The following PPP1R42 variants were observed in gnomAD, a reference collection of about 807,000 sequenced individuals.
The protein encoded by PPP1R42 is leucine rich repeat containing 67.
Under a neutral mutation model 31.0 loss-of-function variants are expected in PPP1R42, and 34 were observed. The ratio of observed to expected loss-of-function variants is 1.10; its 90% CI spans 0.83 to 1.46. The LOEUF (loss-of-function observed/expected upper bound fraction) is 1.46. PPP1R42 is among the 40% of genes most tolerant of loss of function. PPP1R42 has a pLI of 0.00. For missense variants in PPP1R42, 268 were observed against 303.0 expected, an observed-to-expected ratio of 0.88 and a Z score of 0.86; for synonymous variants, 103 against 109.8, an observed-to-expected ratio of 0.94 and a Z score of 0.39.
At chr8:66,966,567 C>T (rs1395091075) in intron 7 of PPP1R42, among the ~76,000 whole-genome samples, 4 of 151,926 alleles carry the variant, frequency 2.6e-5, no homozygotes, top group African/African-American at 9.7e-5. Context: ...GGGTGGATCA[C>T]GAGATCAGGA....
intron 5 of PPP1R42, among the ~76,000 whole-genome samples, chr8:66,992,457 T>G (rs1219234876): frequency 2.6e-5 from 4 of 152,152 alleles, no homozygotes. Context: ...AACATCTAAC[T>G]AATAAAAGCA....
intron 7 of PPP1R42, among the ~76,000 whole-genome samples, chr8:66,966,742 G>A (rs1328911370): frequency 1.3e-5 from 2 of 151,726 alleles, no homozygotes; most frequent in Non-Finnish European, 2.9e-5. Flanking sequence ...CCAAGATCAC[G>A]CCACTGCACT....
chr8:66,974,931 C>G (rs886401559), intron 7 of PPP1R42, among the ~76,000 whole-genome samples: 2 of 152,250 alleles, frequency 1.3e-5, no homozygotes, highest in South Asian at 4.1e-4. Flanking sequence ...GTGCCTTCAG[C>G]TTTGTTCTTC....
At chr8:67,018,241 C>T (rs1211475524) in intron 1 of PPP1R42, among the ~76,000 whole-genome samples, 1 of 149,980 alleles carries the variant, frequency 6.7e-6, no homozygotes, top group Admixed American at 6.7e-5. Context: ...ACAAGCCTCC[C>T]GAGTAGCTGG....
chr8:66,984,037 T>G, intron 6 of PPP1R42: 3 of 1,227,884 alleles, frequency 2.4e-6, no homozygotes, highest in Non-Finnish European at 3.6e-6. Context: ...GGCACAGTTC[T>G]GAGATCATAC....
intron 7 of PPP1R42, chr8:66,971,030 A>G (rs1344022533): frequency 6.5e-7 from 1 of 1,530,436 alleles, no homozygotes; most frequent in Admixed American, 2.0e-5. Context: ...CTTTCTGGAG[A>G]TGCATTTGCA....
intron 6 of PPP1R42, chr8:66,985,227 G>T: frequency 4.5e-6 from 5 of 1,117,422 alleles, no homozygotes; most frequent in Non-Finnish European, 5.4e-6. Context: ...TCTCAAATTT[G>T]CCCTTGTCAT....
chr8:67,011,371 C>T (rs1815839082), intron 4 of PPP1R42, among the ~76,000 whole-genome samples: 1 of 151,990 alleles, frequency 6.6e-6, no homozygotes, highest in African/African-American at 2.4e-5. Flanking sequence ...ACTAAAAATA[C>T]AAAAAATTAG....
intron 4 of PPP1R42, among the ~76,000 whole-genome samples, chr8:67,012,190 C>T (rs996515616): frequency 6.6e-6 from 1 of 151,996 alleles, no homozygotes; most frequent in Non-Finnish European, 1.5e-5. Context: ...GAGCAGAGGT[C>T]GTGCCACTGC....
intron 1 of PPP1R42, among the ~76,000 whole-genome samples, chr8:67,025,721 T>G (rs1816373209): frequency 6.6e-6 from 1 of 152,008 alleles, no homozygotes; most frequent in African/African-American, 2.4e-5. Flanking sequence ...AAAAGGACAG[T>G]AGGCCGGGTG....
chr8:66,979,840 T>C (rs2130921663), intron 7 of PPP1R42, among the ~76,000 whole-genome samples: 1 of 152,320 alleles, frequency 6.6e-6, no homozygotes, highest in South Asian at 2.1e-4. Context: ...TAAAGACATA[T>C]TATTATTTTG....
chr8:67,010,833 T>C lies in PPP1R42; in HGVS notation c.436-2A>G. The C allele has an allele frequency of 1.3e-6, 2 of 1,576,126 alleles. No homozygotes were observed. The highest frequency in any genetic ancestry group is 2.4e-5 in the South Asian group (2 of 83,362). On this transcript the variant is annotated splice_acceptor_variant, in intron 4 of 7. Coordinates refer to ENST00000685739, the MANE Select transcript of PPP1R42 (RefSeq NM_001364910.1). LOFTEE classifies it high-confidence loss of function. ...GATATTCAATATACAGAGGGATTTCTGTAAGAAAAATAACGAAGTTAGCAT... is the reference window on the plus strand; with the variant it reads ...GATATTCAATATACAGAGGGATTTCCGTAAGAAAAATAACGAAGTTAGCAT...
chr8:67,009,640 T>C (rs1369630858), intron 5 of PPP1R42, among the ~76,000 whole-genome samples: 1 of 152,220 alleles, frequency 6.6e-6, no homozygotes, highest in Non-Finnish European at 1.5e-5. Flanking sequence ...ATTTTTCACA[T>C]TGTAAGTTGA....
At chr8:66,984,874 T>C (rs1814956695) in intron 6 of PPP1R42, 1 of 1,580,222 alleles carries the variant, frequency 6.3e-7, no homozygotes, top group South Asian at 1.1e-5. Flanking sequence ...CCTCCTTGTC[T>C]GTCTCTGAAG....
intron 6 of PPP1R42, chr8:66,985,747 C>T (rs1029594781): frequency 3.2e-6 from 4 of 1,265,210 alleles, no homozygotes; most frequent in Middle Eastern, 1.9e-4. Context: ...GCTAATGAAG[C>T]ACAGCTGTTT....
intron 7 of PPP1R42, among the ~76,000 whole-genome samples, chr8:66,972,497 C>A (rs76300904): frequency 6.6e-6 from 1 of 152,052 alleles, no homozygotes; most frequent in Non-Finnish European, 1.5e-5. Flanking sequence ...TCAAGTGATT[C>A]TCCTGCCTCA....
chr8:66,998,070 G>C (rs1392918041), intron 5 of PPP1R42, among the ~76,000 whole-genome samples: 1 of 151,964 alleles, frequency 6.6e-6, no homozygotes, highest in Admixed American at 6.6e-5. Flanking sequence ...TTTCAATTTT[G>C]CTATGAATCT....
chr8:67,028,553 A>G lies in PPP1R42; in HGVS notation c.-147T>C. 1.0e-6 allele frequency: 1 copy of G among 985,522 alleles called. No homozygotes were observed. The highest frequency in any genetic ancestry group is 1.2e-6 in the Non-Finnish European group (1 of 829,976). 61.0% of individuals were successfully genotyped at this position (985,522 alleles called of 1,614,324 possible). Reference sequence around the variant, plus strand: ...TCGGTTTCATCGGCGCCGGGTCCCTACGCAGACCAGCGGCGGTTGCTGGGC... The same window carrying G: ...TCGGTTTCATCGGCGCCGGGTCCCTGCGCAGACCAGCGGCGGTTGCTGGGC... On this transcript the variant is annotated 5_prime_UTR_variant, in exon 1 of 8. Transcript: ENST00000685739.
At chr8:66,996,973 G>A (rs544182875) in intron 5 of PPP1R42, among the ~76,000 whole-genome samples, 1 of 152,234 alleles carries the variant, frequency 6.6e-6, no homozygotes, top group East Asian at 1.9e-4. Context: ...CCAACATGCC[G>A]AAACCCTGTC....
Sources: gnomAD v4.1 joint callset for allele counts (sites outside exome capture counted in the v4.1 genomes callset) on GRCh38, gnomAD v4.1.1 for gene constraint, MANE v1.5 for transcripts, NCBI Gene and HGNC (gene_info 2026-07-23, HGNC 2026-07-21) for gene names.